The following UBAP2 variants were observed in gnomAD, a reference collection of about 807,000 sequenced individuals.
UBAP2 encodes ubiquitin-associated protein 2.
UBAP2 carries 75 observed loss-of-function variants against 139.6 expected under a neutral mutation model. That is an observed-to-expected ratio of 0.54 (90% confidence interval 0.45 to 0.65). The LOEUF (loss-of-function observed/expected upper bound fraction) is 0.65, where lower values mean the gene tolerates loss of function less well. Among genes scored for constraint, UBAP2 ranks in the 30% least tolerant of loss-of-function variants. The pLI is 0.00. For synonymous variants in UBAP2, 526 were observed against 526.2 expected (o/e 1.00, Z 0.01); for missense variants, 1,368 against 1,369.6 (o/e 1.00, Z 0.02).
chr9:33,927,069 G>A lies in UBAP2; in HGVS notation c.2383C>T (p.Pro795Ser). Residue 795 changes from proline to serine, a missense_variant, in exon 21 of 29, where the codon CCA becomes TCA. Transcript: ENST00000379238. ...GGAGGCACCCCCTGAGGTAAGTTTG[G>A]GGGTGCTTTGCCTGTATAGAGGGAA... ...APLVTSGKAP[P>S]NLPQGVPPLL... is the part of the protein sequence containing the mutation. 6.2e-7 allele frequency: 1 copy of A among 1,612,490 alleles called. No homozygotes were observed. The highest frequency in any genetic ancestry group is 8.5e-7 in the Non-Finnish European group (1 of 1,179,260).
chr9:33,941,513 A>G, intron 16 of UBAP2, 136 bp downstream of exon 16: 1 of 755,814 alleles, frequency 1.3e-6, no homozygotes, highest in African/African-American at 1.8e-5. Context: ...AACAAACTCA[A>G]TGAACTATAA....
intron 4 of UBAP2, chr9:33,995,476 A>AATATATTTATATTATTAAATAT (rs1242921752): frequency 9.2e-4 from 127 of 138,246 alleles, no homozygotes; most frequent in Admixed American, 1.8e-3. Flanking sequence ...TAAATATATA[A>AATATATTTATATTATTAAATAT]ATATATTTAT....
At chr9:33,942,902 G>C (rs1037521985) in intron 15 of UBAP2, among the ~76,000 whole-genome samples, 13 of 152,138 alleles carry the variant, frequency 8.5e-5, no homozygotes, top group African/African-American at 3.1e-4. Flanking sequence ...GGAGTTTCCT[G>C]AATGGTTAAG....
chr9:33,984,480 T>C (rs907280456), intron 6 of UBAP2, among the ~76,000 whole-genome samples: 3 of 151,762 alleles, frequency 2.0e-5, no homozygotes, highest in Admixed American at 6.6e-5. Context: ...CTGGGCAACA[T>C]TGCAAGACCC....
At chr9:34,041,277 C>T (rs1296734828) in intron 1 of UBAP2, among the ~76,000 whole-genome samples, 4 of 145,486 alleles carry the variant, frequency 2.7e-5, no homozygotes, top group Non-Finnish European at 3.0e-5. Context: ...ACATAGTGAA[C>T]CCACAGCTCT....
chr9:34,023,652 G>A (rs1010050180), intron 1 of UBAP2, among the ~76,000 whole-genome samples: 1 of 152,108 alleles, frequency 6.6e-6, no homozygotes, highest in Non-Finnish European at 1.5e-5. Context: ...AAACTACATG[G>A]CTTACTTTAT....
intron 7 of UBAP2, among the ~76,000 whole-genome samples, chr9:33,972,328 T>C (rs1038540156): frequency 3.3e-5 from 5 of 152,196 alleles, no homozygotes; most frequent in Middle Eastern, 3.2e-3. Flanking sequence ...CAAAGGAATG[T>C]GAAGTAAACA....
chr9:33,923,684 A>G (rs935025656), intron 24 of UBAP2, 111 bp downstream of exon 24: 2 of 1,224,304 alleles, frequency 1.6e-6, no homozygotes, highest in Admixed American at 3.5e-5. Context: ...AAGACCAGGT[A>G]AGACGGAGTG....
chr9:34,037,400 G>C (rs1451742577), intron 1 of UBAP2, among the ~76,000 whole-genome samples: 1 of 152,196 alleles, frequency 6.6e-6, no homozygotes, highest in African/African-American at 2.4e-5. Flanking sequence ...CTCCCAAAGA[G>C]CTGGGATTAC....
chr9:34,013,248 G>T (rs557652416), intron 2 of UBAP2, among the ~76,000 whole-genome samples: 2 of 151,272 alleles, frequency 1.3e-5, no homozygotes. Flanking sequence ...TGGTTTATAC[G>T]GATTCAAAAG....
In UBAP2 at chr9:33,923,177, A is replaced by G; in HGVS notation, c.3004+9T>C. The G allele has an allele frequency of 1.2e-6, 2 of 1,614,132 alleles. No individual in the cohort carries two copies. The highest frequency in any genetic ancestry group is 1.7e-6 in the Non-Finnish European group (2 of 1,179,944). ...AGGCCTTATCCTGGAAAGGAGAGGT[A>G]AACACTACCTTTGCCAGGCCCAGAA... On this transcript the variant is annotated intron_variant, in intron 26 of 28. Coordinates refer to ENST00000379238, the MANE Select transcript of UBAP2 (RefSeq NM_001370062.2).
At chr9:34,037,326 G>A (rs1019327054) in intron 1 of UBAP2, among the ~76,000 whole-genome samples, 2 of 152,054 alleles carry the variant, frequency 1.3e-5, no homozygotes, top group African/African-American at 4.8e-5. Flanking sequence ...GTAGAGGTAG[G>A]GTTTCACCAT....
At chr9:33,966,299 A>C (rs546690198) in intron 8 of UBAP2, among the ~76,000 whole-genome samples, 1 of 151,506 alleles carries the variant, frequency 6.6e-6, no homozygotes, top group East Asian at 1.9e-4. Context: ...ACTACAAAAA[A>C]AAAAAAAAAA....
intron 9 of UBAP2, among the ~76,000 whole-genome samples, chr9:33,961,100 C>T (rs1469523384): frequency 6.6e-6 from 1 of 152,152 alleles, no homozygotes; most frequent in Non-Finnish European, 1.5e-5. Context: ...ACAAATGCAA[C>T]TTGACTAGTA....
intron 8 of UBAP2, among the ~76,000 whole-genome samples, chr9:33,969,692 C>G (rs960794405): frequency 4.9e-5 from 6 of 121,468 alleles, no homozygotes; most frequent in African/African-American, 1.9e-4. Context: ...CATGGTGAAA[C>G]CCTGCCACTA....
At chr9:34,014,543 C>T (rs1397373847) in intron 2 of UBAP2, among the ~76,000 whole-genome samples, 2 of 151,754 alleles carry the variant, frequency 1.3e-5, no homozygotes, top group Non-Finnish European at 2.9e-5. Flanking sequence ...GCAGGAGAAT[C>T]GCTTGAACCC....
At chr9:33,982,456 T>C (rs1242214024) in intron 6 of UBAP2, among the ~76,000 whole-genome samples, 1 of 152,212 alleles carries the variant, frequency 6.6e-6, no homozygotes, top group Non-Finnish European at 1.5e-5. Flanking sequence ...TTTGCCTACA[T>C]AGCTGCTTTT....
At chr9:33,928,045 C>A in intron 19 of UBAP2, 53 bp from the exon 20 acceptor site, 1 of 1,544,560 alleles carries the variant, frequency 6.5e-7, no homozygotes, top group Non-Finnish European at 8.7e-7. Context: ...GAGGAGGGTG[C>A]TGGGGAGAGC....
At chr9:33,956,013 T>G (rs1826531402) in intron 11 of UBAP2, 66 bp downstream of exon 11, 1 of 1,327,164 alleles carries the variant, frequency 7.5e-7, no homozygotes, top group Non-Finnish European at 1.0e-6. Context: ...TGAAAATACT[T>G]TTCCTGAGGC....
Sources: allele counts gnomAD v4.1 joint callset (sites outside exome capture counted in the v4.1 genomes callset), GRCh38; gene constraint gnomAD v4.1.1; transcripts MANE v1.5; gene names NCBI Gene and HGNC (gene_info 2026-07-23, HGNC 2026-07-21).